SEL1L2: variants seen among roughly 807,000 people sequenced by gnomAD.
SEL1L2 encodes the protein protein sel-1 homolog 2.
In SEL1L2, 89 loss-of-function variants were observed where a neutral mutation model predicts 98.8. That is an observed-to-expected ratio of 0.90 (90% CI 0.76 to 1.07). SEL1L2 has a LOEUF of 1.07. Among genes scored for constraint, SEL1L2 ranks in the 50% least tolerant of loss-of-function variants. The pLI is 0.00. For missense variants in SEL1L2, 788 were observed against 812.0 expected (o/e 0.97, Z 0.36); for synonymous variants, 262 against 278.5 (o/e 0.94, Z 0.59).
intron 1 of SEL1L2, among the ~76,000 whole-genome samples, chr20:13,986,610 G>T (rs77913314): frequency 0.033 from 5,054 of 152,168 alleles, 137 homozygotes; most frequent in Middle Eastern, 0.061. Context: ...TCCATTGTAT[G>T]TATATTCCAA....
chr20:13,883,526 C>T (rs2046809655), intron 10 of SEL1L2, among the ~76,000 whole-genome samples: 1 of 152,198 alleles, frequency 6.6e-6, no homozygotes, highest in Non-Finnish European at 1.5e-5. Flanking sequence ...TTTATGTCTC[C>T]AGCCTCTGCT....
intron 3 of SEL1L2, among the ~76,000 whole-genome samples, chr20:13,922,350 T>A (rs1324036940): frequency 6.6e-6 from 1 of 152,222 alleles, no homozygotes; most frequent in South Asian, 2.1e-4. Context: ...TCAAGCGTAT[T>A]TGAGTCGATT....
In SEL1L2 at chr20:13,960,533, C is replaced by G. The variant is rs6079236; in HGVS notation, c.59-4402G>C. Among the ~76,000 whole-genome samples the G allele has an allele frequency of 3.3e-5, 5 of 152,228 alleles. No individual in the cohort carries two copies. The South Asian group carries it at 8.3e-4, about 25-fold the overall frequency. On this transcript the variant is annotated intron_variant, in intron 1 of 19. Coordinates refer to ENST00000284951, the MANE Select transcript of SEL1L2 (RefSeq NM_025229.2). ...CAAGCCAAAACACTTTTGAAACTTA[C>G]GACAAGGGTGTTTATTTTCTAAATT...
chr20:13,950,362 T>C (rs1052273223), intron 2 of SEL1L2, among the ~76,000 whole-genome samples: 2 of 152,146 alleles, frequency 1.3e-5, no homozygotes. Context: ...AAAGCCTAAT[T>C]TCTGAAACAG....
chr20:13,980,918 T>A (rs1042282047), intron 1 of SEL1L2, among the ~76,000 whole-genome samples: 3 of 152,172 alleles, frequency 2.0e-5, no homozygotes, highest in African/African-American at 7.2e-5. Flanking sequence ...CTCACTTATA[T>A]GTGGAATCTA....
chr20:13,886,329 A>G lies in SEL1L2; in HGVS notation c.859T>C (p.Tyr287His). Residue 287 changes from tyrosine (Y) to histidine (H), a missense_variant, in exon 9 of 20, where the codon TAC (tyrosine) becomes CAC (histidine). Physicochemically the swap from Tyr to His is moderately conservative, Grantham distance 83 (BLOSUM62 2). Coordinates refer to ENST00000284951, the MANE Select transcript of SEL1L2 (RefSeq NM_025229.2). ...SEILDWDIYQYYKFLAERGDV... is the reference protein window; with the variant it reads ...SEILDWDIYQHYKFLAERGDV... ...CCTCTTTCTGCCAAAAATTTATAGT[A>G]TTGGTATATGTCCCAATCCAAAATC... is the stretch of plus-strand genomic sequence containing the variant. The G allele has an allele frequency of 1.2e-6, 2 of 1,612,930 alleles. No individual in the cohort carries two copies. Among genetic ancestry groups the G allele is most frequent in the Non-Finnish European group, 1.7e-6 (2 of 1,179,012 alleles).
At chr20:13,943,680 A>G (rs577877875) in intron 2 of SEL1L2, among the ~76,000 whole-genome samples, 77 of 152,322 alleles carry the variant, frequency 5.1e-4, no homozygotes, top group African/African-American at 1.8e-3. Flanking sequence ...AAAAGTAAAG[A>G]GTTCAGTTTC....
chr20:13,871,516 CTT>C (rs552967323), intron 12 of SEL1L2, among the ~76,000 whole-genome samples: 3 of 144,926 alleles, frequency 2.1e-5, no homozygotes, highest in African/African-American at 2.5e-5. Context: ...ACCTGACTTT[CTT>C]TTTTTTTTTT....
At chr20:13,911,468 C>T (rs1290463752) in intron 5 of SEL1L2, among the ~76,000 whole-genome samples, 1 of 152,114 alleles carries the variant, frequency 6.6e-6, no homozygotes, top group Non-Finnish European at 1.5e-5. Context: ...TCTGTGGTAA[C>T]ATTTGGTCTG....
intron 5 of SEL1L2, among the ~76,000 whole-genome samples, chr20:13,894,257 T>C: frequency 6.6e-6 from 1 of 152,124 alleles, no homozygotes; most frequent in East Asian, 1.9e-4. Context: ...TTAGGTTTTT[T>C]AAAAATATCA....
chr20:13,912,956 A>G (rs2048265240), intron 5 of SEL1L2, among the ~76,000 whole-genome samples: 1 of 152,212 alleles, frequency 6.6e-6, no homozygotes, highest in Admixed American at 6.5e-5. Flanking sequence ...GAGTGAAACA[A>G]AGGTCAAATT....
intron 1 of SEL1L2, among the ~76,000 whole-genome samples, chr20:13,976,733 G>T (rs1601009203): frequency 2.0e-5 from 3 of 152,278 alleles, no homozygotes; most frequent in Admixed American, 2.0e-4. Flanking sequence ...AGAAAAGCAA[G>T]TTAGAAGTGC....
intron 2 of SEL1L2, among the ~76,000 whole-genome samples, chr20:13,931,994 G>C (rs943378755): frequency 6.6e-6 from 1 of 152,038 alleles, no homozygotes; most frequent in South Asian, 2.1e-4. Flanking sequence ...ATTGTCATCT[G>C]AACTACAGAG....
chr20:13,874,100 A>G (rs1306397529), intron 12 of SEL1L2, among the ~76,000 whole-genome samples: 3 of 152,178 alleles, frequency 2.0e-5, no homozygotes, highest in Non-Finnish European at 4.4e-5. Flanking sequence ...GGCAGATGAC[A>G]AAAGTATGGA....
chr20:13,933,863 G>T (rs6110091), intron 2 of SEL1L2, among the ~76,000 whole-genome samples: 23,014 of 151,836 alleles, frequency 0.15, 1,942 homozygotes, highest in Admixed American at 0.22. Flanking sequence ...ACCTGGAAGG[G>T]GCACATAGTG....
At chr20:13,908,840 T>G (rs2048093257) in intron 5 of SEL1L2, among the ~76,000 whole-genome samples, 1 of 152,196 alleles carries the variant, frequency 6.6e-6, no homozygotes. Context: ...CCACTAAAGG[T>G]GCATGAAAAG....
chr20:13,914,392 G>T (rs1323818846), intron 4 of SEL1L2, among the ~76,000 whole-genome samples: 1 of 152,110 alleles, frequency 6.6e-6, no homozygotes, highest in African/African-American at 2.4e-5. Context: ...TAACCTCTAG[G>T]AAGTTACTAT....
intron 5 of SEL1L2, among the ~76,000 whole-genome samples, chr20:13,896,881 A>AT (rs1343899424): frequency 4.6e-5 from 7 of 152,188 alleles, no homozygotes; most frequent in African/African-American, 1.2e-4. Context: ...TATCAATGTT[A>AT]TTTTTTGCAG....
intron 1 of SEL1L2, among the ~76,000 whole-genome samples, chr20:13,970,620 G>T (rs543476668): frequency 2.0e-5 from 3 of 152,216 alleles, no homozygotes; most frequent in Admixed American, 2.0e-4. Flanking sequence ...ATCACCTGAG[G>T]TCAGGAGTTG....
Sources: gnomAD v4.1 joint callset for allele counts (sites outside exome capture counted in the v4.1 genomes callset) on GRCh38, gnomAD v4.1.1 for gene constraint, MANE v1.5 for transcripts, NCBI Gene and HGNC (gene_info 2026-07-23, HGNC 2026-07-21) for gene names.